Variants in SIPA1L1 observed in about 807,000 individuals in gnomAD.
SIPA1L1 encodes signal induced proliferation associated 1 like 1, also known as signal-induced proliferation-associated 1-like protein 1.
SIPA1L1 carries 26 observed loss-of-function variants against 162.7 expected under a neutral mutation model. The ratio of observed to expected loss-of-function variants is 0.16; its 90% CI spans 0.12 to 0.22. The LOEUF is 0.22. Among genes scored for constraint, SIPA1L1 ranks in the 10% least tolerant of loss-of-function variants. The pLI is 1.00. For synonymous variants in SIPA1L1, 829 were observed against 837.4 expected (o/e 0.99, Z 0.17); for missense variants, 1,874 against 2,241.0 (o/e 0.84, Z 3.31).
In SIPA1L1 at chr14:71,728,316, C is replaced by T. The variant is rs548760626; in HGVS notation, c.4615-1739C>T. On this transcript the variant is annotated intron_variant, in intron 19 of 23. Transcript: ENST00000381232. ...AATGGCTCTAATGCTCACTCTTCTC[C>T]ACAAAAAGAGAAGGGAAATTATCAC... Among the ~76,000 whole-genome samples, 14 of 152,278 alleles carry T rather than the reference C, an allele frequency of 9.2e-5. No homozygotes were observed. In the South Asian group the frequency reaches 2.9e-3, roughly 32 times the overall value.
chr14:71,323,641 T>TC (rs969351380), intron 2 of SIPA1L1, among the ~76,000 whole-genome samples: 1 of 152,170 alleles, frequency 6.6e-6, no homozygotes, highest in African/African-American at 2.4e-5. Flanking sequence ...CTTTTTTTTT[T>TC]CCCCTTTGGA....
intron 7 of SIPA1L1, among the ~76,000 whole-genome samples, chr14:71,627,115 T>C (rs2040078619): frequency 6.7e-6 from 1 of 148,458 alleles, no homozygotes; most frequent in Middle Eastern, 3.2e-3. Context: ...CTGATGCCTT[T>C]CTGGGACTTT....
chr14:71,495,886 C>CAAAAAAAAAAAAAAAAAAA (rs61183823), intron 2 of SIPA1L1, among the ~76,000 whole-genome samples: 2 of 38,000 alleles, frequency 5.3e-5, no homozygotes, highest in East Asian at 5.1e-4. Context: ...TCCATCTCTA[C>CAAAAAAAAAAAAAAAAAAA]AAAAAAAAAA....
intron 7 of SIPA1L1, among the ~76,000 whole-genome samples, chr14:71,625,776 T>C (rs2039919255): frequency 6.6e-6 from 1 of 152,238 alleles, no homozygotes; most frequent in African/African-American, 2.4e-5. Flanking sequence ...CATTTAGACA[T>C]TGATAATATA....
At chr14:71,458,120 C>T (rs2046323148) in intron 2 of SIPA1L1, among the ~76,000 whole-genome samples, 2 of 151,896 alleles carry the variant, frequency 1.3e-5, no homozygotes, top group Non-Finnish European at 2.9e-5. Context: ...GTGTTACCTA[C>T]CCCTTAGTCC....
intron 2 of SIPA1L1, among the ~76,000 whole-genome samples, chr14:71,341,360 G>A (rs985596236): frequency 1.3e-5 from 2 of 152,138 alleles, no homozygotes; most frequent in African/African-American, 4.8e-5. Flanking sequence ...TTGCAGCATG[G>A]ATTGTGCAAT....
chr14:71,701,991 A>C (rs969805862), intron 14 of SIPA1L1, among the ~76,000 whole-genome samples: 1 of 152,236 alleles, frequency 6.6e-6, no homozygotes, highest in African/African-American at 2.4e-5. Flanking sequence ...TACCATTTGG[A>C]AGATATATAT....
At chr14:71,436,390 G>A (rs551473964) in intron 2 of SIPA1L1, among the ~76,000 whole-genome samples, 4 of 152,234 alleles carry the variant, frequency 2.6e-5, no homozygotes, top group East Asian at 1.9e-4. Context: ...TTAATACTTT[G>A]TGGGGTTTTA....
chr14:71,637,856 A>G (rs118037303), intron 7 of SIPA1L1, among the ~76,000 whole-genome samples: 208 of 152,326 alleles, frequency 1.4e-3, no homozygotes, highest in Non-Finnish European at 2.5e-3. Flanking sequence ...TCATGAATAC[A>G]GGGGTACTAC....
chr14:71,475,633 C>T (rs1021676963), intron 2 of SIPA1L1, among the ~76,000 whole-genome samples: 2 of 152,122 alleles, frequency 1.3e-5, no homozygotes, highest in Non-Finnish European at 2.9e-5. Flanking sequence ...AAAAATTATC[C>T]GTAGCTTCTC....
chr14:71,607,412 A>T (rs1025478022), intron 5 of SIPA1L1, among the ~76,000 whole-genome samples: 4 of 152,070 alleles, frequency 2.6e-5, no homozygotes, highest in African/African-American at 9.7e-5. Flanking sequence ...GCCAGGGGGC[A>T]GTGGCTTACT....
chr14:71,659,030 G>T (rs1377737741), intron 9 of SIPA1L1, among the ~76,000 whole-genome samples: 1 of 152,192 alleles, frequency 6.6e-6, no homozygotes, highest in African/African-American at 2.4e-5. Context: ...GTAGTAAAAT[G>T]TGGAAACTAA....
chr14:71,655,090 G>T (rs2042948040), intron 8 of SIPA1L1, among the ~76,000 whole-genome samples: 1 of 152,036 alleles, frequency 6.6e-6, no homozygotes, highest in South Asian at 2.1e-4. Context: ...ATTTTGAGGT[G>T]GAGTAGGGTT....
chr14:71,642,490 G>A (rs1323020188), intron 7 of SIPA1L1, among the ~76,000 whole-genome samples: 1 of 152,076 alleles, frequency 6.6e-6, no homozygotes, highest in Non-Finnish European at 1.5e-5. Flanking sequence ...TCAATAGTGG[G>A]GCAGAATTAT....
chr14:71,433,476 C>G (rs2044151774), intron 2 of SIPA1L1, among the ~76,000 whole-genome samples: 1 of 152,144 alleles, frequency 6.6e-6, no homozygotes, highest in Non-Finnish European at 1.5e-5. Flanking sequence ...GCCACCACGC[C>G]CAACTAATTT....
chr14:71,496,513 T>A (rs1007986342), intron 2 of SIPA1L1, among the ~76,000 whole-genome samples: 4 of 152,214 alleles, frequency 2.6e-5, no homozygotes, highest in Non-Finnish European at 5.9e-5. Context: ...AATTTGAGAC[T>A]TGTTTTGTGA....
At chr14:71,560,616 A>T (rs1466445712) in intron 4 of SIPA1L1, among the ~76,000 whole-genome samples, 3 of 152,242 alleles carry the variant, frequency 2.0e-5, no homozygotes, top group Non-Finnish European at 4.4e-5. Context: ...GCCACAGGGC[A>T]AAAGAGTCCA....
chr14:71,367,829 A>C (rs756316383), intron 2 of SIPA1L1, among the ~76,000 whole-genome samples: 24 of 137,330 alleles, frequency 1.7e-4, no homozygotes, highest in Non-Finnish European at 3.1e-4. Context: ...CTGGTCTCGA[A>C]CTCCTCACCT....
At chr14:71,692,117 A>C (rs148807792) in intron 13 of SIPA1L1, among the ~76,000 whole-genome samples, 209 of 152,328 alleles carry the variant, frequency 1.4e-3, no homozygotes, top group Non-Finnish European at 2.5e-3. Context: ...ATGACCCTTT[A>C]ATAACAAAAG....
Sources: allele counts gnomAD v4.1 joint callset (sites outside exome capture counted in the v4.1 genomes callset), GRCh38; gene constraint gnomAD v4.1.1; transcripts MANE v1.5; gene names NCBI Gene and HGNC (gene_info 2026-07-23, HGNC 2026-07-21).